PEX19: variants seen among roughly 807,000 people sequenced by gnomAD.
PEX19 encodes the protein 33 kDa housekeeping protein.
Under a neutral mutation model 36.3 loss-of-function variants are expected in PEX19, and 29 were observed. The ratio of observed to expected loss-of-function variants is 0.80; its 90% CI spans 0.60 to 1.09. The LOEUF (loss-of-function observed/expected upper bound fraction) is 1.09. Among genes scored for constraint, PEX19 ranks in the 50% least tolerant of loss-of-function variants. PEX19 has a pLI of 0.00. For synonymous variants in PEX19, 141 were observed against 135.2 expected, an observed-to-expected ratio of 1.04 and a Z score of -0.30; for missense variants, 396 against 368.1, an observed-to-expected ratio of 1.08 and a Z score of -0.62.
intron 1 of PEX19, 138 bp from the exon 2 acceptor site, chr1:160,283,777 C>A (rs762434122): frequency 8.3e-6 from 6 of 722,508 alleles, no homozygotes; most frequent in African/African-American, 5.2e-5. Flanking sequence ...TTGAGTCCCC[C>A]ACCTCCCCAG....
At chr1:160,283,779 C>T in intron 1 of PEX19, 140 bp from the exon 2 acceptor site, 1 of 702,678 alleles carries the variant, frequency 1.4e-6, no homozygotes. Flanking sequence ...GAGTCCCCCA[C>T]CTCCCCAGAC....
chr1:160,278,793 G>A lies in PEX19; in HGVS notation c.*758C>T, dbSNP rs1318707492. On this transcript the variant is annotated 3_prime_UTR_variant, in exon 8 of 8. Transcript: ENST00000368072. ...GAGCTCAAAAAGGTTGGGATAAACAGGTGTTTAAAAAAGAGAGGAGGTAAA... is the reference window on the plus strand; with the variant it reads ...GAGCTCAAAAAGGTTGGGATAAACAAGTGTTTAAAAAAGAGAGGAGGTAAA... 2 of 453,958 alleles carry A rather than the reference G, an allele frequency of 4.4e-6. No individual in the cohort carries two copies. Among genetic ancestry groups the A allele is most frequent in the South Asian group, 1.6e-5 (1 of 64,476 alleles). 28.1% of individuals were successfully genotyped at this position (453,958 alleles called of 1,614,324 possible). A position where few individuals can be genotyped will look rare whatever the true frequency, so the allele number is the denominator to read the frequency against.
Position 160,278,093 on chromosome 1 carries a change from G to T in PEX19, c.*1458C>A, listed in dbSNP as rs776555616. 4.3e-6 allele frequency: 3 copies of T among 702,522 alleles called. No individual in the cohort carries two copies. The highest frequency in any genetic ancestry group is 3.0e-5 in the South Asian group (2 of 67,598). The allele number at this position is 702,522 out of a possible 1,614,324, so 43.5% of individuals were successfully genotyped here. A position where few individuals can be genotyped will look rare whatever the true frequency, so the allele number is the denominator to read the frequency against. ...CTTTGGAGAGACTTATCTTCTGAGT[G>T]AACCAGGACAGCCAGCTGAGCTGAC... On this transcript the variant is annotated 3_prime_UTR_variant, in exon 8 of 8. Transcript: ENST00000368072.
chr1:160,282,906 T>G lies in PEX19; in HGVS notation c.346+38A>C, dbSNP rs75322280. The G allele has an allele frequency of 1.8e-3, 2,875 of 1,604,794 alleles. 42 individuals carry two copies. The East Asian group carries it at 0.038, about 21-fold the overall frequency. ...TTTTCAGGCAACAAAGACTTAAGAG[T>G]CTGTTCAGATATTTCCATGTATCTG... is the stretch of plus-strand genomic sequence containing the variant. On this transcript the variant is annotated intron_variant, in intron 3 of 7. Transcript: ENST00000368072.
rs748218767 is a variant in PEX19, at chr1:160,283,538, T to A, written c.172A>T (p.Thr58Ser). ...SGPQKRSPGD[T>S]AKDALFASQE... Reference sequence around the variant, plus strand: ...GGGGGTGGAATTTATACTTTGGCAGTGTCTCCTGGCGATCTCTTCTGGGGC... The same window carrying A: ...GGGGGTGGAATTTATACTTTGGCAGAGTCTCCTGGCGATCTCTTCTGGGGC... The change falls in exon 2 of 8, where the codon ACT (threonine) becomes TCT (serine). Residue 58 changes from threonine (T) to serine (S), a missense_variant. Coordinates refer to ENST00000368072, the MANE Select transcript of PEX19 (RefSeq NM_002857.4). 6.2e-7 allele frequency: 1 copy of A among 1,609,868 alleles called. No homozygotes were observed. The highest frequency in any genetic ancestry group is 1.1e-5 in the South Asian group (1 of 91,006).
At chr1:160,281,761 C>T (rs1340351969) in intron 5 of PEX19, among the ~76,000 whole-genome samples, 1 of 152,134 alleles carries the variant, frequency 6.6e-6, no homozygotes, top group East Asian at 1.9e-4. Context: ...ACAACAATCC[C>T]AGAGTCTTGA....
chr1:160,281,471 C>T (rs1571137056), intron 5 of PEX19, among the ~76,000 whole-genome samples: 1 of 152,304 alleles, frequency 6.6e-6, no homozygotes, highest in African/African-American at 2.4e-5. Flanking sequence ...TACAGTGGCA[C>T]AATCTCAGCT....
chr1:160,283,626 A>G lies in PEX19; in HGVS notation c.84T>C (p.Asp28=). The change falls in exon 2 of 8, where the codon GAT becomes GAC. Residue 28 remains aspartate (D), a synonymous_variant. Coordinates refer to ENST00000368072, the MANE Select transcript of PEX19 (RefSeq NM_002857.4). The part of the protein sequence containing the change: ...LEELLESALD[D]FDKAKPSPAP... The stretch of plus-strand genomic sequence containing the variant: ...CTGGGGAGGGTTTGGCTTTATCGAA[A>G]TCATCAAGAGCACCTTCAGAGACAA... The G allele has an allele frequency of 6.2e-7, 1 of 1,613,728 alleles. No homozygotes were observed. Among genetic ancestry groups the G allele is most frequent in the Non-Finnish European group, 8.5e-7 (1 of 1,179,638 alleles).
Position 160,278,217 on chromosome 1 carries a change from A to C in PEX19, c.*1334T>G. 1.4e-6 allele frequency: 1 copy of C among 702,234 alleles called. No individual in the cohort carries two copies. The highest frequency in any genetic ancestry group is 1.5e-5 in the South Asian group (1 of 67,548). The allele number at this position is 702,234 out of a possible 1,614,324, so 43.5% of individuals were successfully genotyped here. On this transcript the variant is annotated 3_prime_UTR_variant, in exon 8 of 8. Transcript: ENST00000368072. ...CTTAAAGAAAAATAATTTAGAAAACATAACAATATATTACTAACATTAATA... is the reference window on the plus strand; with the variant it reads ...CTTAAAGAAAAATAATTTAGAAAACCTAACAATATATTACTAACATTAATA...
At chr1:160,281,887 C>T in intron 5 of PEX19, 152 bp downstream of exon 5, 1 of 707,116 alleles carries the variant, frequency 1.4e-6, no homozygotes, top group African/African-American at 1.7e-5. Context: ...CAACTCTCCC[C>T]AACCCCCAAC....
In PEX19 at chr1:160,280,142, C is replaced by T. The variant is rs368870898; in HGVS notation, c.699G>A (p.Glu233=). ...SVMCKICEQF[E]AETPTDSETT... ...TTTCACTGTCTGTGGGGGTCTCTGC[C>T]TCAAACTGCTCACATATTTTGCACA... The change falls in exon 6 of 8, where the codon GAG becomes GAA. Residue 233 remains glutamate, a synonymous_variant. Transcript: ENST00000368072. The T allele has an allele frequency of 6.2e-7, 1 of 1,613,986 alleles. No homozygotes were observed. The highest frequency in any genetic ancestry group is 8.5e-7 in the Non-Finnish European group (1 of 1,179,878).
Position 160,280,224 on chromosome 1 carries a change from T to C in PEX19, c.617A>G (p.His206Arg), listed in dbSNP as rs761372588. The C allele has an allele frequency of 5.6e-6, 9 of 1,613,944 alleles. No individual in the cohort carries two copies. The highest frequency in any genetic ancestry group is 5.9e-6 in the Non-Finnish European group (7 of 1,179,944). Residue 206 changes from histidine to arginine, a missense_variant, in exon 6 of 8, where the codon CAT (histidine) becomes CGT (arginine). By Grantham distance (29) the His-to-Arg change is conservative. Coordinates refer to ENST00000368072, the MANE Select transcript of PEX19 (RefSeq NM_002857.4). The stretch of plus-strand genomic sequence containing the variant: ...CTGCTCTGGAGGTAGAGATTCCCGA[T>C]GACTCTGCAACCATTCTGGATACTA... Reference protein sequence around the residue: ...TEKYPEWLQSHRESLPPEQFE... With the variant: ...TEKYPEWLQSRRESLPPEQFE...
chr1:160,284,926 A>C lies in PEX19; in HGVS notation c.70+129T>G, dbSNP rs1012022039. 5.0e-6 allele frequency: 4 copies of C among 794,782 alleles called. No individual in the cohort carries two copies. The Admixed American group carries it at 5.7e-5, about 11-fold the overall frequency. 49.2% of individuals were successfully genotyped at this position (794,782 alleles called of 1,614,324 possible). A position where few individuals can be genotyped will look rare whatever the true frequency, so the allele number is the denominator to read the frequency against. On this transcript the variant is annotated intron_variant, in intron 1 of 7. Transcript: ENST00000368072. ...GAGATTTTTGGGGGGCTCGGGGGTC[A>C]GACTCTCCGCCCCCATTTAACCTTT...
intron 5 of PEX19, chr1:160,281,162 T>C (rs1229580181): frequency 6.6e-6 from 1 of 152,122 alleles, no homozygotes; most frequent in African/African-American, 2.4e-5. Flanking sequence ...TTTGAAAACA[T>C]TGGCCAAGCA....
chr1:160,277,612 A>G lies in PEX19; in HGVS notation c.*1939T>C, dbSNP rs1657593711. On this transcript the variant is annotated 3_prime_UTR_variant, in exon 8 of 8. Coordinates refer to ENST00000368072, the MANE Select transcript of PEX19 (RefSeq NM_002857.4). ...AAATGAGTGCCTTGGGAACAAAGAT[A>G]AAGTGGACTAGGGCATCTATTTAGA... 2.2e-6 allele frequency: 1 copy of G among 454,252 alleles called. No individual in the cohort carries two copies. 28.1% of individuals were successfully genotyped at this position (454,252 alleles called of 1,614,324 possible).
chr1:160,278,935 G>A lies in PEX19; in HGVS notation c.*616C>T, dbSNP rs1657646857. The A allele has an allele frequency of 4.4e-6, 2 of 453,996 alleles. No homozygotes were observed. Among genetic ancestry groups the A allele is most frequent in the African/African-American group, 2.0e-5 (1 of 50,004 alleles). 28.1% of individuals were successfully genotyped at this position (453,996 alleles called of 1,614,324 possible). On this transcript the variant is annotated 3_prime_UTR_variant, in exon 8 of 8. Transcript: ENST00000368072. ...TTCTCAGCCTGGAACAGGGAGGTGAGGGCTCAGCACCTAGAGAGAGGAGAA... is the reference window on the plus strand; with the variant it reads ...TTCTCAGCCTGGAACAGGGAGGTGAAGGCTCAGCACCTAGAGAGAGGAGAA...
chr1:160,282,177 C>G lies in PEX19; in HGVS notation c.456G>C (p.Glu152Asp), dbSNP rs756002277. The stretch of plus-strand genomic sequence containing the variant: ...CTAGCCCCTCCATGGCCTTGGTCAG[C>G]TCTTCTTCCGACATGCTGGAGTTCT... ...DLQNSSMSEE[E>D]LTKAMEGLGM... The change falls in exon 5 of 8, where the codon GAG becomes GAC. Residue 152 changes from glutamate (E) to aspartate (D), a missense_variant. By Grantham distance (45) the Glu-to-Asp change is conservative (BLOSUM62 2). Transcript: ENST00000368072. The G allele has an allele frequency of 6.2e-7, 1 of 1,614,062 alleles. No homozygotes were observed. The highest frequency in any genetic ancestry group is 8.5e-7 in the Non-Finnish European group (1 of 1,180,042).
Position 160,280,259 on chromosome 1 carries a change from A to G in PEX19, c.595-13T>C. On this transcript the variant is annotated splice_polypyrimidine_tract_variant and intron_variant, in intron 5 of 7. Coordinates refer to ENST00000368072, the MANE Select transcript of PEX19 (RefSeq NM_002857.4). ...ACCATTCTGGATACTAAGAAAAGAG[A>G]GAATGGGTGGAAAAGAATTAAGTGA... 1 of 1,610,704 alleles carries G rather than the reference A, an allele frequency of 6.2e-7. No homozygotes were observed. The highest frequency in any genetic ancestry group is 8.5e-7 in the Non-Finnish European group (1 of 1,176,898).
At position 160,277,128 on chromosome 1, in the gene PEX19, CAG is replaced by C. The variant is rs143491060; in HGVS notation, c.*2421_*2422del. 1,452 of 453,440 alleles carry C rather than the reference CAG, an allele frequency of 3.2e-3. 25 individuals are homozygous for C. The highest frequency in any genetic ancestry group is 0.026 in the African/African-American group (1,303 of 49,864). The allele number at this position is 453,440 out of a possible 1,614,324, so 28.1% of individuals were successfully genotyped here. ...TAGGTATCAGTTCTGCTAGGGTCTT[CAG>C]AGAGACCGAGGGCCCCAAAACAGTG... is the stretch of plus-strand genomic sequence containing the variant. On this transcript the variant is annotated 3_prime_UTR_variant, in exon 8 of 8. Coordinates refer to ENST00000368072, the MANE Select transcript of PEX19 (RefSeq NM_002857.4).
Sources: gnomAD v4.1 joint callset for allele counts (sites outside exome capture counted in the v4.1 genomes callset) on GRCh38, gnomAD v4.1.1 for gene constraint, MANE v1.5 for transcripts, NCBI Gene and HGNC (gene_info 2026-07-23, HGNC 2026-07-21) for gene names.